TMEM179: variants seen among roughly 807,000 people sequenced by gnomAD.
The protein encoded by TMEM179 is transmembrane protein 179A.
In TMEM179, 17 loss-of-function variants were observed where a neutral mutation model predicts 22.2. That is an observed-to-expected ratio of 0.77 (90% CI 0.52 to 1.15). The LOEUF (loss-of-function observed/expected upper bound fraction) is 1.15. Among genes scored for constraint, TMEM179 ranks in the 50% most tolerant of loss-of-function variants. The probability of loss-of-function intolerance (pLI) is 0.00; values close to 1 mark genes in which losing one functional copy is unlikely to be tolerated. For missense variants in TMEM179, 265 were observed against 313.6 expected (o/e 0.84, Z 1.17); for synonymous variants, 127 against 140.5 (o/e 0.90, Z 0.68).
intron 3 of TMEM179, chr14:104,594,796 G>GT: frequency 8.3e-7 from 1 of 1,211,368 alleles, no homozygotes; most frequent in Non-Finnish European, 1.0e-6. Context: ...CCCACCCAGC[G>GT]CCAGCACCAA....
Position 104,597,274 on chromosome 14 carries a change from C to G in TMEM179, c.306-147G>C, listed in dbSNP as rs540674192. The G allele has an allele frequency of 2.3e-5, 27 of 1,182,372 alleles. No homozygotes were observed. The African/African-American group carries it at 3.7e-4, about 16-fold the overall frequency. The allele number at this position is 1,182,372 out of a possible 1,614,324, so 73.2% of individuals were successfully genotyped here. A position where few individuals can be genotyped will look rare whatever the true frequency, so the allele number is the denominator to read the frequency against. ...CCACCAGCAGCACCCCCCGGACCCTCAGGATTCCTGGGTTGGGCCCTGTGG... is the reference window on the plus strand; with the variant it reads ...CCACCAGCAGCACCCCCCGGACCCTGAGGATTCCTGGGTTGGGCCCTGTGG... On this transcript the variant is annotated intron_variant, in intron 1 of 3. Transcript: ENST00000556573. The surrounding 1 kb of genome is among the most constrained non-coding windows in gnomAD (Gnocchi z 4.8).
chr14:104,602,845 A>G (rs2140499625), intron 1 of TMEM179, among the ~76,000 whole-genome samples: 1 of 152,316 alleles, frequency 6.6e-6, no homozygotes, highest in East Asian at 1.9e-4. Flanking sequence ...CGTGGGTTGA[A>G]TGGTGTCCCC....
In TMEM179 at chr14:104,593,148, C is replaced by T. The variant is rs760307324; in HGVS notation, c.*331G>A. On this transcript the variant is annotated 3_prime_UTR_variant, in exon 4 of 4. Transcript: ENST00000556573. The stretch of plus-strand genomic sequence containing the variant: ...TCCGGCCAGGGTTGGGGGAGACAAG[C>T]TGGACGCCCTCCACATAGGCTGGCC... The T allele has an allele frequency of 5.0e-6, 2 of 399,594 alleles. No individual in the cohort carries two copies. Among genetic ancestry groups the T allele is most frequent in the Non-Finnish European group, 9.1e-6 (2 of 220,932 alleles). The allele number at this position is 399,594 out of a possible 1,614,324, so 24.8% of individuals were successfully genotyped here.
intron 1 of TMEM179, among the ~76,000 whole-genome samples, chr14:104,599,300 G>A (rs1204075133): frequency 6.6e-6 from 1 of 150,588 alleles, no homozygotes; most frequent in Middle Eastern, 3.4e-3. Context: ...TCTGGCTTCC[G>A]GCTGGGTTTG....
Position 104,595,420 on chromosome 14 carries a change from G to A in TMEM179, c.444-177C>T, listed in dbSNP as rs1356022209. On this transcript the variant is annotated intron_variant, in intron 2 of 3. Coordinates refer to ENST00000556573, the MANE Select transcript of TMEM179 (RefSeq NM_001286389.2). This position sits in a 1 kb window ranked among gnomAD's most constrained non-coding sequence, Gnocchi z 5.7. The stretch of plus-strand genomic sequence containing the variant: ...TTAGCCTCGATGCCTCCTCCATGGA[G>A]CAGGACAGCCTTTGGGGAAGGAAAC... 6.6e-6 allele frequency among the ~76,000 whole-genome samples: 1 copy of A among 152,180 alleles called. No homozygotes were observed.
chr14:104,597,255 G>T lies in TMEM179; in HGVS notation c.306-128C>A. The T allele has an allele frequency of 1.5e-6, 2 of 1,298,680 alleles. No individual in the cohort carries two copies. The highest frequency in any genetic ancestry group is 2.1e-6 in the Non-Finnish European group (2 of 962,250). 80.4% of individuals were successfully genotyped at this position (1,298,680 alleles called of 1,614,324 possible). On this transcript the variant is annotated intron_variant, in intron 1 of 3. Coordinates refer to ENST00000556573, the MANE Select transcript of TMEM179 (RefSeq NM_001286389.2). The surrounding 1 kb of genome is among the most constrained non-coding windows in gnomAD (Gnocchi z 4.8). The stretch of plus-strand genomic sequence containing the variant: ...GCCATCTCCTGGGCAACCCCCACCA[G>T]CAGCACCCCCCGGACCCTCAGGATT...
rs536773690 is a variant in TMEM179 at position 104,593,449 on chromosome 14, C to A, written c.*30G>T. On this transcript the variant is annotated 3_prime_UTR_variant, in exon 4 of 4. Transcript: ENST00000556573. Reference sequence around the variant, plus strand: ...GTGCCCCCGAGCGCAGCAGGGAGGTCGGGGCCAGCTCCCCCTGCCTGCACT... The same window carrying A: ...GTGCCCCCGAGCGCAGCAGGGAGGTAGGGGCCAGCTCCCCCTGCCTGCACT... 1 of 1,535,792 alleles carries A rather than the reference C, an allele frequency of 6.5e-7. No homozygotes were observed. The highest frequency in any genetic ancestry group is 1.4e-5 in the African/African-American group (1 of 73,050).
At position 104,597,587 on chromosome 14, in the gene TMEM179, G is replaced by A. The variant is rs913278883; in HGVS notation, c.306-460C>T. ...CTTTGGGAAGAGAGGAGGTCATGAG[G>A]GTGAAGCCTCATGAATGAAATGAGT... On this transcript the variant is annotated intron_variant, in intron 1 of 3. Coordinates refer to ENST00000556573, the MANE Select transcript of TMEM179 (RefSeq NM_001286389.2). This position sits in a 1 kb window ranked among gnomAD's most constrained non-coding sequence, Gnocchi z 4.8. Among the ~76,000 whole-genome samples the A allele has an allele frequency of 1.3e-5, 2 of 152,090 alleles. No individual in the cohort carries two copies. Among genetic ancestry groups the A allele is most frequent in the Non-Finnish European group, 2.9e-5 (2 of 68,018 alleles).
At position 104,597,741 on chromosome 14, in the gene TMEM179, G is replaced by T. The variant is rs960032391; in HGVS notation, c.306-614C>A. Among the ~76,000 whole-genome samples the T allele has an allele frequency of 6.6e-6, 1 of 152,174 alleles. No homozygotes were observed. The highest frequency in any genetic ancestry group is 1.5e-5 in the Non-Finnish European group (1 of 68,026). ...GCAGACCTCTAGCCTCCGGAAGTGT[G>T]AGCAGTAAATGCCTGTTGTTTACAA... is the stretch of plus-strand genomic sequence containing the variant. On this transcript the variant is annotated intron_variant, in intron 1 of 3. Transcript: ENST00000556573. This position sits in a 1 kb window ranked among gnomAD's most constrained non-coding sequence, Gnocchi z 4.8.
rs976298402 is a variant in TMEM179 at position 104,591,465 on chromosome 14, G to A, written c.*2014C>T. ...TGGGTCAGGGCTGGAAGGGGAGACA[G>A]GGGACCCCATCAGCTTAGGGGGCCT... On this transcript the variant is annotated 3_prime_UTR_variant, in exon 4 of 4. Transcript: ENST00000556573. The A allele has an allele frequency of 1.1e-5, 5 of 455,362 alleles. No homozygotes were observed. Among genetic ancestry groups the A allele is most frequent in the Non-Finnish European group, 2.2e-5 (5 of 226,442 alleles). The allele number at this position is 455,362 out of a possible 1,614,324, so 28.2% of individuals were successfully genotyped here. A position where few individuals can be genotyped will look rare whatever the true frequency, so the allele number is the denominator to read the frequency against.
In TMEM179 at chr14:104,597,252, C is replaced by A; in HGVS notation, c.306-125G>T. ...GACGCCATCTCCTGGGCAACCCCCA[C>A]CAGCAGCACCCCCCGGACCCTCAGG... On this transcript the variant is annotated intron_variant, in intron 1 of 3. Transcript: ENST00000556573. This position sits in a 1 kb window ranked among gnomAD's most constrained non-coding sequence, Gnocchi z 4.8. 1 of 1,299,190 alleles carries A rather than the reference C, an allele frequency of 7.7e-7. No homozygotes were observed. Among genetic ancestry groups the A allele is most frequent in the Non-Finnish European group, 1.0e-6 (1 of 962,316 alleles). The allele number at this position is 1,299,190 out of a possible 1,614,324, so 80.5% of individuals were successfully genotyped here. A position where few individuals can be genotyped will look rare whatever the true frequency, so the allele number is the denominator to read the frequency against.
chr14:104,599,837 C>A (rs995792453), intron 1 of TMEM179, among the ~76,000 whole-genome samples: 30 of 152,124 alleles, frequency 2.0e-4, no homozygotes, highest in Non-Finnish European at 3.4e-4. Context: ...GACCCTGGTG[C>A]CTGCAAATAC....
At chr14:104,602,434 A>G (rs1047909013) in intron 1 of TMEM179, among the ~76,000 whole-genome samples, 5 of 152,174 alleles carry the variant, frequency 3.3e-5, no homozygotes, top group African/African-American at 4.8e-5. Context: ...CTGTGGCCCC[A>G]CCTGGCCTGC....
At position 104,601,505 on chromosome 14, in the gene TMEM179, A is replaced by G. The variant is rs74092119; in HGVS notation, c.305+2932T>C. ...CCCATGGCCTGAGATGGCTCTTGAG[A>G]GCGTTAACCTTCGCCTACAACCAGA... is the stretch of plus-strand genomic sequence containing the variant. On this transcript the variant is annotated intron_variant, in intron 1 of 3. Transcript: ENST00000556573. 9.2e-3 allele frequency among the ~76,000 whole-genome samples: 1,395 copies of G among 152,090 alleles called. 26 individuals are homozygous for G. Among genetic ancestry groups the G allele is most frequent in the African/African-American group, 0.032 (1,347 of 41,466 alleles).
rs1887344070 is a variant in TMEM179, at chr14:104,604,309, ATTG to A, written c.305+125_305+127del. 1.9e-6 allele frequency: 2 copies of A among 1,046,258 alleles called. No individual in the cohort carries two copies. The highest frequency in any genetic ancestry group is 2.6e-6 in the Non-Finnish European group (2 of 762,298). 64.8% of individuals were successfully genotyped at this position (1,046,258 alleles called of 1,614,324 possible). On this transcript the variant is annotated intron_variant, in intron 1 of 3. Coordinates refer to ENST00000556573, the MANE Select transcript of TMEM179 (RefSeq NM_001286389.2). This position sits in a 1 kb window ranked among gnomAD's most constrained non-coding sequence, Gnocchi z 4.6. ...GTCTGAGTGGAGGGGGTGAGGGCGG[ATTG>A]TTGACATTTGCGGGCCTCGGAGCTG... is the stretch of plus-strand genomic sequence containing the variant.
rs1235868824 is a variant in TMEM179 at position 104,604,358 on chromosome 14, G to A, written c.305+79C>T. 1.9e-5 allele frequency: 26 copies of A among 1,387,510 alleles called. No homozygotes were observed. The highest frequency in any genetic ancestry group is 1.5e-5 in the Non-Finnish European group (16 of 1,069,572). The allele number at this position is 1,387,510 out of a possible 1,614,324, so 85.9% of individuals were successfully genotyped here. A position where few individuals can be genotyped will look rare whatever the true frequency, so the allele number is the denominator to read the frequency against. On this transcript the variant is annotated intron_variant, in intron 1 of 3. Transcript: ENST00000556573. This position sits in a 1 kb window ranked among gnomAD's most constrained non-coding sequence, Gnocchi z 4.6. ...AGCTGCCTGAGAGACGGAGGGACTCGCGCGCCTCCCCGGGGAGGTGGGTCT... is the reference window on the plus strand; with the variant it reads ...AGCTGCCTGAGAGACGGAGGGACTCACGCGCCTCCCCGGGGAGGTGGGTCT...
chr14:104,604,719 A>G lies in TMEM179; in HGVS notation c.23T>C (p.Phe8Ser), dbSNP rs1481124681. The change falls in exon 1 of 4, where the codon TTC becomes TCC. Residue 8 changes from phenylalanine to serine, a missense_variant. Coordinates refer to ENST00000556573, the MANE Select transcript of TMEM179 (RefSeq NM_001286389.2). This position sits in a 1 kb window ranked among gnomAD's most constrained non-coding sequence, Gnocchi z 4.6. Reference sequence around the variant, plus strand: ...CAAGAAGTAGCAGGCGCACTGAGCGAAAAGGAAATTGTTGAGCGCCATGGC... The same window carrying G: ...CAAGAAGTAGCAGGCGCACTGAGCGGAAAGGAAATTGTTGAGCGCCATGGC... The part of the protein sequence containing the change: MALNNFL[F>S]AQCACYFLAF... The G allele has an allele frequency of 6.3e-7, 1 of 1,583,730 alleles. No individual in the cohort carries two copies. Among genetic ancestry groups the G allele is most frequent in the Admixed American group, 1.8e-5 (1 of 57,010 alleles).
intron 1 of TMEM179, among the ~76,000 whole-genome samples, chr14:104,599,231 C>T (rs2140493018): frequency 6.7e-6 from 1 of 150,242 alleles, no homozygotes; most frequent in South Asian, 2.1e-4. Context: ...AGTGCGTCTC[C>T]TTCTCCATTC....
chr14:104,599,570 C>G (rs1347684085), intron 1 of TMEM179, among the ~76,000 whole-genome samples: 1 of 152,234 alleles, frequency 6.6e-6, no homozygotes, highest in Non-Finnish European at 1.5e-5. Flanking sequence ...CAAAATCCAT[C>G]TGGCCTGGGG....
Sources: allele counts gnomAD v4.1 joint callset (sites outside exome capture counted in the v4.1 genomes callset), GRCh38; gene constraint gnomAD v4.1.1; non-coding constraint Gnocchi (gnomAD v3.1); transcripts MANE v1.5; gene names NCBI Gene and HGNC (gene_info 2026-07-23, HGNC 2026-07-21).